The following MGAT5 variants were observed in gnomAD, a reference collection of about 807,000 sequenced individuals.
The protein encoded by MGAT5 is alpha-1,6-mannosylglycoprotein 6-beta-N-acetylglucosaminyltransferase.
A neutral mutation model predicts 94.3 loss-of-function variants in MGAT5; 30 were observed. The observed-to-expected ratio is 0.32, with a 90% CI of 0.24 to 0.43. The LOEUF is 0.43. MGAT5 is among the 20% of genes least tolerant of loss of function. MGAT5 has a pLI of 1.00. For missense variants in MGAT5, 691 were observed against 905.5 expected (o/e 0.76, Z 3.04); for synonymous variants, 310 against 322.9 (o/e 0.96, Z 0.43).
chr2:134,423,028 T>A, intron 13 of MGAT5, 109 bp downstream of exon 13: 2 of 753,388 alleles, frequency 2.7e-6, no homozygotes, highest in Non-Finnish European at 4.5e-6. Context: ...CACATCAGCT[T>A]AACTCTGGAA....
intron 1 of MGAT5, among the ~76,000 whole-genome samples, chr2:134,255,922 A>AT: frequency 6.6e-6 from 1 of 152,280 alleles, no homozygotes; most frequent in South Asian, 2.1e-4. Context: ...GGGGAAAAAA[A>AT]CTTGTTTTTA....
intron 2 of MGAT5, among the ~76,000 whole-genome samples, chr2:134,275,889 A>G (rs979153224): frequency 2.0e-5 from 3 of 151,996 alleles, no homozygotes; most frequent in Non-Finnish European, 2.9e-5. Context: ...TGACTGGCCT[A>G]TTTATTTCTA....
chr2:134,319,769 TC>T, intron 4 of MGAT5: 1 of 422,592 alleles, frequency 2.4e-6, no homozygotes, highest in Non-Finnish European at 4.8e-6. Context: ...TTTGGAATTC[TC>T]CCAGTGACAC....
intron 4 of MGAT5, among the ~76,000 whole-genome samples, chr2:134,324,504 A>G (rs1687528862): frequency 6.6e-6 from 1 of 152,158 alleles, no homozygotes; most frequent in South Asian, 2.1e-4. Flanking sequence ...AGCATACTTA[A>G]TCCCTTGATT....
chr2:134,235,122 G>T (rs1369301625), intron 1 of MGAT5, among the ~76,000 whole-genome samples: 2 of 152,128 alleles, frequency 1.3e-5, no homozygotes, highest in Admixed American at 1.3e-4. Context: ...TTGTCTGGTG[G>T]TTAGAGCTGA....
intron 2 of MGAT5, among the ~76,000 whole-genome samples, chr2:134,314,181 C>T (rs1686864882): frequency 1.3e-5 from 2 of 152,194 alleles, no homozygotes; most frequent in African/African-American, 4.8e-5. Context: ...CAGTTTCTCC[C>T]AGTCACAGAT....
At chr2:134,373,975 T>C (rs6752017) in intron 10 of MGAT5, among the ~76,000 whole-genome samples, 3,394 of 152,344 alleles carry the variant, frequency 0.022, 127 homozygotes, top group African/African-American at 0.072. Flanking sequence ...TGCCTTGGAA[T>C]GAGTTCTCTA....
intron 6 of MGAT5, among the ~76,000 whole-genome samples, chr2:134,341,024 G>A (rs75650792): frequency 6.6e-6 from 1 of 152,120 alleles, no homozygotes; most frequent in Non-Finnish European, 1.5e-5. Context: ...TTCAAGTGAA[G>A]GTTTGTTCCT....
intron 1 of MGAT5, among the ~76,000 whole-genome samples, chr2:134,128,305 G>C (rs1028749470): frequency 6.6e-6 from 1 of 152,172 alleles, no homozygotes; most frequent in Non-Finnish European, 1.5e-5. Context: ...AGTGATCAGA[G>C]AGCTGCAGGT....
intron 7 of MGAT5, among the ~76,000 whole-genome samples, chr2:134,343,995 GA>G (rs1487194746): frequency 6.6e-6 from 1 of 152,152 alleles, no homozygotes; most frequent in African/African-American, 2.4e-5. Flanking sequence ...CAGGGGAGAG[GA>G]AGAAGGGTGG....
intron 12 of MGAT5, among the ~76,000 whole-genome samples, chr2:134,419,002 G>T (rs563162454): frequency 5.3e-5 from 8 of 152,296 alleles, no homozygotes; most frequent in African/African-American, 1.9e-4. Flanking sequence ...CTGTCAACAG[G>T]TTCATTTCTA....
intron 2 of MGAT5, among the ~76,000 whole-genome samples, chr2:134,280,659 T>C (rs11896893): frequency 0.43 from 65,910 of 152,156 alleles, 17,370 homozygotes; most frequent in African/African-American, 0.74. Context: ...GTTTTCCCCC[T>C]TCGGGGGACT....
chr2:134,141,323 G>T (rs1181861348), intron 1 of MGAT5, among the ~76,000 whole-genome samples: 1 of 152,204 alleles, frequency 6.6e-6, no homozygotes, highest in Non-Finnish European at 1.5e-5. Context: ...CTGATATGGG[G>T]GGATGTGGTG....
intron 2 of MGAT5, among the ~76,000 whole-genome samples, chr2:134,288,472 A>C (rs1371277246): frequency 6.6e-6 from 1 of 151,982 alleles, no homozygotes; most frequent in African/African-American, 2.4e-5. Context: ...TGATACAGAG[A>C]CTACGTGGAC....
At chr2:134,128,752 G>T (rs1169373512) in intron 1 of MGAT5, among the ~76,000 whole-genome samples, 3 of 151,990 alleles carry the variant, frequency 2.0e-5, no homozygotes, top group Non-Finnish European at 4.4e-5. Flanking sequence ...TTAGTTTTTG[G>T]AGAGACACGA....
At chr2:134,406,504 TC>T (rs1202796419) in intron 11 of MGAT5, among the ~76,000 whole-genome samples, 1 of 152,164 alleles carries the variant, frequency 6.6e-6, no homozygotes, top group Non-Finnish European at 1.5e-5. Context: ...TCCCTCTGAC[TC>T]ATCTTATCCT....
chr2:134,266,378 G>C (rs147657818), intron 1 of MGAT5, among the ~76,000 whole-genome samples: 1 of 151,798 alleles, frequency 6.6e-6, no homozygotes, highest in African/African-American at 2.4e-5. Context: ...ACGCCACCAT[G>C]CCCAGCTATT....
chr2:134,396,031 A>C (rs1242460453), intron 10 of MGAT5, among the ~76,000 whole-genome samples: 1 of 152,212 alleles, frequency 6.6e-6, no homozygotes. Context: ...GGCTGGAAAC[A>C]AGACAGCAAG....
intron 1 of MGAT5, among the ~76,000 whole-genome samples, chr2:134,129,254 A>C (rs1215879684): frequency 1.3e-5 from 2 of 152,198 alleles, no homozygotes; most frequent in Non-Finnish European, 2.9e-5. Flanking sequence ...AGCAATGTCC[A>C]GCTGAGTCCT....
Sources: gnomAD v4.1 joint callset for allele counts (sites outside exome capture counted in the v4.1 genomes callset) on GRCh38, gnomAD v4.1.1 for gene constraint, MANE v1.5 for transcripts, NCBI Gene and HGNC (gene_info 2026-07-23, HGNC 2026-07-21) for gene names.